CELF2: variants seen among roughly 807,000 people sequenced by gnomAD.
CELF2 encodes CUGBP Elav-like family member 2.
CELF2 carries 8 observed loss-of-function variants against 62.6 expected under a neutral mutation model. The observed-to-expected ratio is 0.13, with a 90% CI of 0.07 to 0.23. CELF2 has a LOEUF of 0.23. CELF2 is among the 10% of genes least tolerant of loss of function. The pLI is 1.00. For synonymous variants in CELF2, 258 were observed against 250.0 expected (o/e 1.03, Z -0.30); for missense variants, 333 against 671.0 (o/e 0.50, Z 5.56).
chr10:10,976,412 C>T (rs1203413326), intron 2 of CELF2, among the ~76,000 whole-genome samples: 1 of 152,110 alleles, frequency 6.6e-6, no homozygotes, highest in Non-Finnish European at 1.5e-5. Flanking sequence ...TAGACAGAGT[C>T]GTTATCTATC....
chr10:11,311,585 A>G lies in CELF2; in HGVS notation c.977-2554A>G, dbSNP rs74875635. 6.4e-3 allele frequency among the ~76,000 whole-genome samples: 979 copies of G among 152,366 alleles called. 5 individuals carry two copies. Among genetic ancestry groups the G allele is most frequent in the Admixed American group, 0.015 (230 of 15,306 alleles). ...AAGGAAATACAGCTAATATGTTTAC[A>G]TATTAAAAGAATTTGAAAAGCGAAA... On this transcript the variant is annotated intron_variant, in intron 9 of 12. Transcript: ENST00000633077. This position sits in a 1 kb window ranked among gnomAD's most constrained non-coding sequence, Gnocchi z 4.7.
At chr10:10,952,350 G>A (rs1029341640) in intron 2 of CELF2, 5 of 152,206 alleles carry the variant, frequency 3.3e-5, no homozygotes, top group African/African-American at 1.2e-4. Flanking sequence ...TTGAAAAATG[G>A]GGTATTGGAC....
At chr10:11,162,431 A>C (rs559976900) in intron 1 of CELF2, among the ~76,000 whole-genome samples, 2 of 152,202 alleles carry the variant, frequency 1.3e-5, no homozygotes, top group African/African-American at 4.8e-5. Flanking sequence ...TTAGAACTTG[A>C]TGCAAATCTT....
upstream of CELF2, among the ~76,000 whole-genome samples, chr10:11,002,818 T>C (rs1014593754): frequency 4.6e-5 from 7 of 152,226 alleles, no homozygotes; most frequent in Non-Finnish European, 8.8e-5. This position sits in a 1 kb window ranked among gnomAD's most constrained non-coding sequence, Gnocchi z 4.4. Context: ...TATTTTTTTT[T>C]TCACATAGTT....
chr10:10,770,372 G>A, the CELF2 span, among the ~76,000 whole-genome samples: 1 of 151,952 alleles, frequency 6.6e-6, no homozygotes, highest in Non-Finnish European at 1.5e-5. Flanking sequence ...CAAGCAGGAG[G>A]GGAGAAGGCT....
At chr10:10,605,225 A>G in the CELF2 span, among the ~76,000 whole-genome samples, 1 of 152,180 alleles carries the variant, frequency 6.6e-6, no homozygotes, top group South Asian at 2.1e-4. Flanking sequence ...GAACAATGAG[A>G]ACACATGGAC....
chr10:10,887,583 G>A (rs143742159), intron 1 of CELF2, among the ~76,000 whole-genome samples: 3 of 152,222 alleles, frequency 2.0e-5, no homozygotes, highest in East Asian at 1.9e-4. Flanking sequence ...TTATCTGTTC[G>A]GCTGTTGGTC....
At chr10:10,724,833 G>T in the CELF2 span, among the ~76,000 whole-genome samples, 3 of 151,996 alleles carry the variant, frequency 2.0e-5, no homozygotes, top group African/African-American at 7.3e-5. Flanking sequence ...TTTAAAAATG[G>T]CTCAAAAAGG....
chr10:10,694,292 G>T, the CELF2 span, among the ~76,000 whole-genome samples: 1 of 151,780 alleles, frequency 6.6e-6, no homozygotes, highest in African/African-American at 2.4e-5. Flanking sequence ...TCAGGAGCAG[G>T]TTGTTCAGTT....
At chr10:10,932,702 A>G (rs1315677249) in intron 2 of CELF2, among the ~76,000 whole-genome samples, 1 of 137,566 alleles carries the variant, frequency 7.3e-6, no homozygotes, top group Non-Finnish European at 1.6e-5. Flanking sequence ...GTGTATATAT[A>G]TATGTATGTA....
chr10:10,967,888 G>A (rs1344463809), intron 2 of CELF2, among the ~76,000 whole-genome samples: 1 of 151,826 alleles, frequency 6.6e-6, no homozygotes, highest in African/African-American at 2.4e-5. Flanking sequence ...CTTTGCAATG[G>A]GGATGCTGTA....
the CELF2 span, among the ~76,000 whole-genome samples, chr10:10,729,710 C>T: frequency 3.8e-4 from 57 of 151,802 alleles, no homozygotes; most frequent in South Asian, 6.2e-4. Context: ...ACCTGGGAGG[C>T]GGAGGGTGCA....
chr10:11,242,984 G>A lies in CELF2; in HGVS notation c.355-6169G>A, dbSNP rs946992855. 1.3e-5 allele frequency among the ~76,000 whole-genome samples: 2 copies of A among 152,152 alleles called. No individual in the cohort carries two copies. The highest frequency in any genetic ancestry group is 2.9e-5 in the Non-Finnish European group (2 of 68,020). On this transcript the variant is annotated intron_variant, in intron 3 of 12. Transcript: ENST00000633077. The surrounding 1 kb of genome is among the most constrained non-coding windows in gnomAD (Gnocchi z 4.8). ...ACCAAACCACTGCGTGCTGTCGTGG[G>A]TGCAGAAGCTTAGCTTTGGGGTAGA...
rs2095915175 is a variant in CELF2 at position 11,329,197 on chromosome 10, C to T, written c.*144C>T. Reference sequence around the variant, plus strand: ...ACGGTTATTTTTACAATAAGGCCTCCATGTCCCCACCCACTTCCCCTACCC... The same window carrying T: ...ACGGTTATTTTTACAATAAGGCCTCTATGTCCCCACCCACTTCCCCTACCC... On this transcript the variant is annotated 3_prime_UTR_variant, in exon 13 of 13. Coordinates refer to ENST00000633077, the MANE Select transcript of CELF2 (RefSeq NM_001326342.2). The surrounding 1 kb of genome is among the most constrained non-coding windows in gnomAD (Gnocchi z 5.5). 5 of 770,238 alleles carry T rather than the reference C, an allele frequency of 6.5e-6. No individual in the cohort carries two copies. Among genetic ancestry groups the T allele is most frequent in the Non-Finnish European group, 9.8e-6 (5 of 511,098 alleles). The allele number at this position is 770,238 out of a possible 1,614,324, so 47.7% of individuals were successfully genotyped here.
the CELF2 span, among the ~76,000 whole-genome samples, chr10:10,751,939 T>A: frequency 2.6e-5 from 4 of 152,098 alleles, no homozygotes; most frequent in African/African-American, 9.7e-5. Flanking sequence ...TTAAAATACA[T>A]CCACAGATAA....
At chr10:10,870,518 G>T (rs917750433) in intron 1 of CELF2, among the ~76,000 whole-genome samples, 1 of 152,154 alleles carries the variant, frequency 6.6e-6, no homozygotes, top group Admixed American at 6.5e-5. Flanking sequence ...CGAAATACCA[G>T]TAAATAACAA....
Position 11,333,338 on chromosome 10 carries a change from C to T in CELF2, c.*4285C>T, listed in dbSNP as rs2096064354. The T allele has an allele frequency of 2.0e-5, 3 of 152,466 alleles. No homozygotes were observed. Among genetic ancestry groups the T allele is most frequent in the South Asian group, 4.2e-4 (2 of 4,818 alleles). 9.4% of individuals were successfully genotyped at this position (152,466 alleles called of 1,614,324 possible). On this transcript the variant is annotated 3_prime_UTR_variant, in exon 13 of 13. Coordinates refer to ENST00000633077, the MANE Select transcript of CELF2 (RefSeq NM_001326342.2). ...CTGCAAGGGTGCAAAGGGCCTGTGC[C>T]AGAAGAAAACACACACAGGGAAACC...
intron 7 of CELF2, among the ~76,000 whole-genome samples, chr10:11,271,130 G>A (rs949469515): frequency 9.2e-5 from 14 of 152,204 alleles, no homozygotes; most frequent in African/African-American, 3.1e-4. Flanking sequence ...GAGGGAGGCC[G>A]CTGGGCTGGC....
At chr10:10,703,063 C>T in the CELF2 span, among the ~76,000 whole-genome samples, 2 of 152,204 alleles carry the variant, frequency 1.3e-5, no homozygotes, top group Non-Finnish European at 2.9e-5. Flanking sequence ...CTACCTCCTC[C>T]AGAACCAACC....
Sources: allele counts gnomAD v4.1 joint callset (sites outside exome capture counted in the v4.1 genomes callset), GRCh38; gene constraint gnomAD v4.1.1; non-coding constraint Gnocchi (gnomAD v3.1); transcripts MANE v1.5; gene names NCBI Gene and HGNC (gene_info 2026-07-23, HGNC 2026-07-21).